Variants in ARHGAP20 observed in about 807,000 individuals in gnomAD.
The protein encoded by ARHGAP20 is rho GTPase-activating protein 20.
ARHGAP20 carries 34 observed loss-of-function variants against 73.7 expected under a neutral mutation model. The ratio of observed to expected loss-of-function variants is 0.46; its 90% CI spans 0.35 to 0.61. The LOEUF is 0.61. ARHGAP20 is among the 20% of genes least tolerant of loss of function. The pLI is 0.00. For synonymous variants in ARHGAP20, 523 were observed against 518.2 expected, an observed-to-expected ratio of 1.01 and a Z score of -0.13; for missense variants, 1,314 against 1,420.9, an observed-to-expected ratio of 0.92 and a Z score of 1.21.
At chr11:110,685,030 C>T (rs955795069) in intron 2 of ARHGAP20, among the ~76,000 whole-genome samples, 9 of 152,130 alleles carry the variant, frequency 5.9e-5, no homozygotes, top group Middle Eastern at 3.4e-3. Flanking sequence ...GTAACACATA[C>T]GCACATGTAC....
chr11:110,626,012 C>A (rs1948736480), intron 3 of ARHGAP20, among the ~76,000 whole-genome samples: 1 of 152,126 alleles, frequency 6.6e-6, no homozygotes. Context: ...ATGATTCCCA[C>A]AGAATTTAAG....
rs532162599 is a variant in ARHGAP20 at position 110,659,910 on chromosome 11, G to A, written c.189-29118C>T. 3.2e-4 allele frequency among the ~76,000 whole-genome samples: 48 copies of A among 151,790 alleles called. No individual in the cohort carries two copies. In the South Asian group the frequency reaches 9.9e-3, roughly 31 times the overall value. On this transcript the variant is annotated intron_variant, in intron 2 of 14. Coordinates refer to ENST00000683387, the MANE Select transcript of ARHGAP20 (RefSeq NM_001384657.1). ...CACACTCTGAGGACTGTTGTGGGGT[G>A]GGGGGAGTGGGGAGGGATAGCACTG...
At chr11:110,711,680 T>C in intron 1 of ARHGAP20, 1 of 1,457,918 alleles carries the variant, frequency 6.9e-7, no homozygotes, top group Non-Finnish European at 9.0e-7. Flanking sequence ...CGGCTGCCGC[T>C]CCCGGGCAGA....
intron 1 of ARHGAP20, among the ~76,000 whole-genome samples, chr11:110,697,206 C>T (rs1393719891): frequency 6.6e-6 from 1 of 151,682 alleles, no homozygotes; most frequent in East Asian, 1.9e-4. Context: ...ACATTCCCAT[C>T]AATATTGTAT....
intron 9 of ARHGAP20, among the ~76,000 whole-genome samples, chr11:110,593,245 A>G: frequency 6.6e-6 from 1 of 152,204 alleles, no homozygotes; most frequent in East Asian, 1.9e-4. Flanking sequence ...GGTCAACAGT[A>G]AGGTATGGTT....
At chr11:110,668,350 T>C (rs1949764282) in intron 2 of ARHGAP20, among the ~76,000 whole-genome samples, 1 of 152,208 alleles carries the variant, frequency 6.6e-6, no homozygotes, top group South Asian at 2.1e-4. Context: ...CAAATTGTTT[T>C]TTAAAGTTAT....
chr11:110,707,893 T>C (rs1950578198), intron 1 of ARHGAP20, among the ~76,000 whole-genome samples: 2 of 151,160 alleles, frequency 1.3e-5, no homozygotes, highest in Admixed American at 1.3e-4. Flanking sequence ...CTCTGACCCA[T>C]GCTGTCCAAT....
chr11:110,697,373 C>T (rs1950356362), intron 1 of ARHGAP20, among the ~76,000 whole-genome samples: 1 of 151,230 alleles, frequency 6.6e-6, no homozygotes, highest in South Asian at 2.1e-4. Context: ...TTGCCACTTG[C>T]TTTTCTTTTT....
chr11:110,591,224 C>A lies in ARHGAP20; in HGVS notation c.1144-415G>T, dbSNP rs73553955. ...GAAGAGAATGGGTTTTGAAGACAAG[C>A]AATCCATGGGATCCAAAACCTAGTT... is the stretch of plus-strand genomic sequence containing the variant. On this transcript the variant is annotated intron_variant, in intron 10 of 14. Transcript: ENST00000683387. Among the ~76,000 whole-genome samples, 572 of 152,290 alleles carry A rather than the reference C, an allele frequency of 3.8e-3. 4 individuals are homozygous for A. The highest frequency in any genetic ancestry group is 0.013 in the African/African-American group (553 of 41,550).
At position 110,662,093 on chromosome 11, in the gene ARHGAP20, A is replaced by C. The variant is rs181649534; in HGVS notation, c.188+28454T>G. On this transcript the variant is annotated intron_variant, in intron 2 of 14. Transcript: ENST00000683387. ...TCCTACAGCTATATCATTATGTGAA[A>C]AAATAGGGTGGAAAAGTATATACTA... Among the ~76,000 whole-genome samples the C allele has an allele frequency of 3.7e-3, 561 of 152,040 alleles. 3 individuals carry two copies. The highest frequency in any genetic ancestry group is 0.012 in the African/African-American group (515 of 41,552).
At chr11:110,607,324 C>T (rs910724399) in intron 8 of ARHGAP20, among the ~76,000 whole-genome samples, 1 of 152,146 alleles carries the variant, frequency 6.6e-6, no homozygotes, top group Non-Finnish European at 1.5e-5. Context: ...CTCACTGCTG[C>T]CCTCTGAGAT....
chr11:110,599,699 T>C (rs1948062508), intron 9 of ARHGAP20, among the ~76,000 whole-genome samples: 2 of 152,188 alleles, frequency 1.3e-5, no homozygotes, highest in African/African-American at 4.8e-5. Context: ...TCCTCCCCTC[T>C]GAAGTCCATA....
At chr11:110,624,869 T>C (rs1381298588) in intron 3 of ARHGAP20, among the ~76,000 whole-genome samples, 3 of 152,176 alleles carry the variant, frequency 2.0e-5, no homozygotes, top group Admixed American at 2.0e-4. Context: ...CTTATTTTTC[T>C]ATATGTCGAG....
At position 110,577,218 on chromosome 11, in the gene ARHGAP20, T is replaced by A; in HGVS notation, c.*2152A>T. ...TAGTAAAATTTGTCAAGATATATTA[T>A]ACAAACTCAAAGCATTTTAGATAAA... is the stretch of plus-strand genomic sequence containing the variant. On this transcript the variant is annotated 3_prime_UTR_variant, in exon 15 of 15. Transcript: ENST00000683387. The A allele has an allele frequency of 6.6e-7, 1 of 1,512,002 alleles. No homozygotes were observed. The allele number at this position is 1,512,002 out of a possible 1,614,324, so 93.7% of individuals were successfully genotyped here.
intron 12 of ARHGAP20, 21 bp from the exon 13 acceptor site, chr11:110,583,758 C>T (rs749889541): frequency 1.3e-6 from 2 of 1,515,066 alleles, no homozygotes; most frequent in Non-Finnish European, 1.8e-6. Flanking sequence ...AAAAATTACT[C>T]TTTAAGCAAG....
At position 110,578,023 on chromosome 11, in the gene ARHGAP20, G is replaced by T; in HGVS notation, c.*1347C>A. ...GCTCAGAGCAACTTCTTATAGGTTA[G>T]TAGTTAATGTGAAAGAAGATGCACA... On this transcript the variant is annotated 3_prime_UTR_variant, in exon 15 of 15. Transcript: ENST00000683387. The T allele has an allele frequency of 1.0e-6, 1 of 985,388 alleles. No homozygotes were observed. The highest frequency in any genetic ancestry group is 1.2e-6 in the Non-Finnish European group (1 of 829,906). 61.0% of individuals were successfully genotyped at this position (985,388 alleles called of 1,614,324 possible).
At chr11:110,586,972 C>A (rs1431052348) in intron 11 of ARHGAP20, among the ~76,000 whole-genome samples, 1 of 152,150 alleles carries the variant, frequency 6.6e-6, no homozygotes, top group Non-Finnish European at 1.5e-5. Flanking sequence ...TTAGGCAGCA[C>A]ACTCATGCCT....
chr11:110,597,006 C>G (rs1346523811), intron 9 of ARHGAP20, among the ~76,000 whole-genome samples: 1 of 152,010 alleles, frequency 6.6e-6, no homozygotes. Context: ...ATGGATGAAA[C>G]TGGAAACCAT....
chr11:110,660,071 AAAAAAAAG>A (rs1259514226), intron 2 of ARHGAP20, among the ~76,000 whole-genome samples: 112 of 151,952 alleles, frequency 7.4e-4, no homozygotes, highest in African/African-American at 2.4e-3. Flanking sequence ...CAAAAAAAAA[AAAAAAAAG>A]AAAATACCCT....
Sources: allele counts gnomAD v4.1 joint callset (sites outside exome capture counted in the v4.1 genomes callset), GRCh38; gene constraint gnomAD v4.1.1; transcripts MANE v1.5; gene names NCBI Gene and HGNC (gene_info 2026-07-23, HGNC 2026-07-21).